Variants in GIN1 observed in about 807,000 individuals in gnomAD.
The protein encoded by GIN1 is gypsy retrotransposon integrase-like protein 1.
Under a neutral mutation model 51.4 loss-of-function variants are expected in GIN1, and 41 were observed. The ratio of observed to expected loss-of-function variants is 0.80; its 90% CI spans 0.62 to 1.04. GIN1 has a LOEUF of 1.04. Among genes scored for constraint, GIN1 ranks in the 50% least tolerant of loss-of-function variants. GIN1 has a pLI of 0.00. For missense variants in GIN1, 610 were observed against 612.4 expected (o/e 1.00, Z 0.04); for synonymous variants, 222 against 206.5 (o/e 1.07, Z -0.64).
At chr5:103,093,928 T>A (rs1787325110) in intron 7 of GIN1, among the ~76,000 whole-genome samples, 1 of 152,174 alleles carries the variant, frequency 6.6e-6, no homozygotes, top group Non-Finnish European at 1.5e-5. Context: ...ACTCTACATT[T>A]AGTTCTAGAT....
At chr5:103,089,826 C>T (rs1787186993) in intron 7 of GIN1, among the ~76,000 whole-genome samples, 1 of 152,140 alleles carries the variant, frequency 6.6e-6, no homozygotes, top group Admixed American at 6.5e-5. Flanking sequence ...AAATAGCTCA[C>T]TGAACCTATT....
chr5:103,100,123 T>C (rs1787528256), intron 4 of GIN1, among the ~76,000 whole-genome samples: 1 of 151,992 alleles, frequency 6.6e-6, no homozygotes, highest in Admixed American at 6.5e-5. Context: ...TTTTTTTTTT[T>C]TGAGACAGGG....
chr5:103,090,266 G>A (rs1685038106), intron 7 of GIN1, among the ~76,000 whole-genome samples: 1 of 152,186 alleles, frequency 6.6e-6, no homozygotes, highest in African/African-American at 2.4e-5. Flanking sequence ...TCCAGCCTAG[G>A]TGACAGAGCG....
chr5:103,100,556 TAATTAAA>T (rs1285647768), intron 4 of GIN1, among the ~76,000 whole-genome samples: 2 of 151,982 alleles, frequency 1.3e-5, no homozygotes, highest in Non-Finnish European at 2.9e-5. Context: ...CACGTCCAGT[TAATTAAA>T]AATTTTTTTT....
chr5:103,103,089 C>T (rs1554195934), intron 4 of GIN1, among the ~76,000 whole-genome samples: 1 of 152,150 alleles, frequency 6.6e-6, no homozygotes, highest in Admixed American at 6.5e-5. Context: ...AAGGTTGGAC[C>T]TTGGCTAATG....
chr5:103,098,972 AT>A (rs552405265), intron 4 of GIN1, among the ~76,000 whole-genome samples: 11 of 152,026 alleles, frequency 7.2e-5, no homozygotes, highest in African/African-American at 2.7e-4. Flanking sequence ...ATAAAATAAT[AT>A]TTTTTTCCTA....
intron 7 of GIN1, among the ~76,000 whole-genome samples, chr5:103,089,809 T>C (rs1057461540): frequency 6.6e-5 from 10 of 151,324 alleles, no homozygotes; most frequent in Non-Finnish European, 8.8e-5. Context: ...CCTCATAACA[T>C]TATTACAAAT....
At chr5:103,117,579 T>TACACACACACACACAC (rs1306837264) in intron 1 of GIN1, among the ~76,000 whole-genome samples, 1 of 87,816 alleles carries the variant, frequency 1.1e-5, no homozygotes, top group African/African-American at 3.2e-5. Context: ...AAGAAAAAAA[T>TACACACACACACACAC]ATACACACAC....
At chr5:103,119,755 G>T (rs899302501) in intron 1 of GIN1, among the ~76,000 whole-genome samples, 2 of 152,150 alleles carry the variant, frequency 1.3e-5, no homozygotes, top group Non-Finnish European at 2.9e-5. Context: ...CTCGTTAACG[G>T]AATCTTAAGG....
chr5:103,119,212 T>G (rs1788246820), intron 1 of GIN1, among the ~76,000 whole-genome samples: 1 of 152,232 alleles, frequency 6.6e-6, no homozygotes, highest in South Asian at 2.1e-4. Context: ...GCCACCAATT[T>G]AAGCCCCTAA....
rs143832380 is a variant in GIN1, at chr5:103,102,109, A to C, written c.639+2432T>G. On this transcript the variant is annotated intron_variant, in intron 4 of 7. Transcript: ENST00000399004. ...TTCCTAGGTTTAGAATGTGACCTCCATTTCTAGAGATTAAATGTCAAATAT... is the reference window on the plus strand; with the variant it reads ...TTCCTAGGTTTAGAATGTGACCTCCCTTTCTAGAGATTAAATGTCAAATAT... Among the ~76,000 whole-genome samples the C allele has an allele frequency of 1.6e-4, 25 of 152,248 alleles. No individual in the cohort carries two copies. In the East Asian group the frequency reaches 4.8e-3, roughly 29 times the overall value.
At chr5:103,115,326 T>C (rs1212267329) in intron 1 of GIN1, among the ~76,000 whole-genome samples, 1 of 152,190 alleles carries the variant, frequency 6.6e-6, no homozygotes, top group Non-Finnish European at 1.5e-5. Flanking sequence ...ACGGTGTATA[T>C]ATTCACACAC....
intron 7 of GIN1, among the ~76,000 whole-genome samples, chr5:103,094,116 A>G (rs149412602): frequency 4.9e-4 from 75 of 152,344 alleles, no homozygotes; most frequent in African/African-American, 1.8e-3. Flanking sequence ...TTCAATGATT[A>G]GTCAAAATCA....
In GIN1 at chr5:103,087,791, CA is replaced by C. The variant is rs1366173674; in HGVS notation, c.*106del. 11 of 559,982 alleles carry C rather than the reference CA, an allele frequency of 2.0e-5. No homozygotes were observed. In the African/African-American group the frequency reaches 2.1e-4, roughly 11 times the overall value. 34.7% of individuals were successfully genotyped at this position (559,982 alleles called of 1,614,324 possible). A position where few individuals can be genotyped will look rare whatever the true frequency, so the allele number is the denominator to read the frequency against. On this transcript the variant is annotated 3_prime_UTR_variant, in exon 8 of 8. Transcript: ENST00000399004. ...ATAAAATAAACCTTCAGAATATAGT[CA>C]TTAAGAATGTGTCAAGATACTTCTT...
chr5:103,119,028 A>C (rs1428383617), intron 1 of GIN1, among the ~76,000 whole-genome samples: 1 of 152,216 alleles, frequency 6.6e-6, no homozygotes. Context: ...GTTTTGCAAG[A>C]GGAATGTCAG....
intron 4 of GIN1, among the ~76,000 whole-genome samples, chr5:103,101,743 C>T (rs1278822474): frequency 6.6e-6 from 1 of 152,216 alleles, no homozygotes; most frequent in Non-Finnish European, 1.5e-5. Flanking sequence ...TTCAGGATAC[C>T]TTCACATAGC....
In GIN1 at chr5:103,108,581, AT is replaced by A; in HGVS notation, c.126del (p.Lys42AsnfsTer22). ...ERSGIRRAAK[K>X]FVFKEKKLFY... is the part of the protein sequence containing the mutation. ...ACATTAATTTTACCTTTGAAGACAA[AT>A]TTTTTTGCTGCTCTTCTTATGCCAC... On this transcript the variant is annotated frameshift_variant, in exon 2 of 8. Transcript: ENST00000399004. LOFTEE classifies it high-confidence loss of function. 6.2e-7 allele frequency: 1 copy of A among 1,600,090 alleles called. No homozygotes were observed. The highest frequency in any genetic ancestry group is 8.5e-7 in the Non-Finnish European group (1 of 1,170,898).
intron 4 of GIN1, chr5:103,102,134 T>C (rs1221238348): frequency 6.6e-6 from 1 of 152,232 alleles, no homozygotes; most frequent in African/African-American, 2.4e-5. Flanking sequence ...ATGTCAAATA[T>C]ATTTTTTTCT....
intron 4 of GIN1, among the ~76,000 whole-genome samples, chr5:103,100,657 C>T (rs921644390): frequency 1.3e-5 from 2 of 151,798 alleles, no homozygotes; most frequent in Admixed American, 1.3e-4. Flanking sequence ...CCTCAGCCTC[C>T]CAAAAAGCTG....
Sources: gnomAD v4.1 joint callset for allele counts (sites outside exome capture counted in the v4.1 genomes callset) on GRCh38, gnomAD v4.1.1 for gene constraint, MANE v1.5 for transcripts, NCBI Gene and HGNC (gene_info 2026-07-23, HGNC 2026-07-21) for gene names.